Variants in LRRC4C observed in about 807,000 individuals in gnomAD.
LRRC4C encodes the protein leucine rich repeat containing 4C, also known as leucine-rich repeat-containing protein 4C.
A neutral mutation model predicts 33.6 loss-of-function variants in LRRC4C; 5 were observed. The observed-to-expected ratio is 0.15, with a 90% confidence interval of 0.08 to 0.31. The LOEUF (loss-of-function observed/expected upper bound fraction) is 0.31. LRRC4C is among the 10% of genes least tolerant of loss of function. LRRC4C has a pLI of 1.00. For synonymous variants in LRRC4C, 329 were observed against 302.0 expected (o/e 1.09, Z -0.93); for missense variants, 560 against 796.7 (o/e 0.70, Z 3.58).
intron 1 of LRRC4C, among the ~76,000 whole-genome samples, chr11:41,185,425 G>C (rs956589870): frequency 2.6e-5 from 4 of 152,162 alleles, no homozygotes; most frequent in African/African-American, 7.2e-5. Flanking sequence ...AGAAAGAATG[G>C]ATGATTTCTT....
At chr11:41,218,912 C>T (rs1947181641) in intron 1 of LRRC4C, among the ~76,000 whole-genome samples, 1 of 151,686 alleles carries the variant, frequency 6.6e-6, no homozygotes, top group Non-Finnish European at 1.5e-5. Context: ...GGACTACAGG[C>T]GCCTGCCACC....
intron 3 of LRRC4C, among the ~76,000 whole-genome samples, chr11:40,335,526 A>G (rs10501229): frequency 0.21 from 32,574 of 152,212 alleles, 4,171 homozygotes; most frequent in Admixed American, 0.34. Context: ...TCGCTAGAGC[A>G]TGAAAAATGT....
intron 3 of LRRC4C, among the ~76,000 whole-genome samples, chr11:40,343,003 G>A (rs1335906642): frequency 6.6e-6 from 1 of 151,846 alleles, no homozygotes; most frequent in East Asian, 1.9e-4. Flanking sequence ...TCTCTAACTT[G>A]CTACCGCATT....
At chr11:41,433,673 C>G (rs924070547) in intron 1 of LRRC4C, among the ~76,000 whole-genome samples, 1 of 152,074 alleles carries the variant, frequency 6.6e-6, no homozygotes, top group Non-Finnish European at 1.5e-5. Flanking sequence ...GTTTCCTGCC[C>G]TCAAACATCG....
At chr11:40,604,156 CAT>C (rs969058161) in intron 3 of LRRC4C, among the ~76,000 whole-genome samples, 1 of 151,982 alleles carries the variant, frequency 6.6e-6, no homozygotes, top group Non-Finnish European at 1.5e-5. Context: ...ATATTGCAGA[CAT>C]ATATATAAAT....
chr11:40,658,629 A>C (rs1402790996), intron 2 of LRRC4C, among the ~76,000 whole-genome samples: 4 of 152,198 alleles, frequency 2.6e-5, no homozygotes, highest in African/African-American at 9.7e-5. Flanking sequence ...GTCATGGGAC[A>C]GGAAGATGAA....
intron 1 of LRRC4C, among the ~76,000 whole-genome samples, chr11:41,211,405 G>T (rs1395352015): frequency 6.6e-6 from 1 of 151,976 alleles, no homozygotes; most frequent in Non-Finnish European, 1.5e-5. Context: ...ATGTATACAC[G>T]TGCCATGTTG....
intron 3 of LRRC4C, among the ~76,000 whole-genome samples, chr11:40,521,685 A>G (rs1955820144): frequency 6.6e-6 from 1 of 152,058 alleles, no homozygotes; most frequent in Admixed American, 6.5e-5. Flanking sequence ...CCTGGCCAAC[A>G]TGGTAAAACT....
At chr11:40,561,433 GAC>G (rs1957545266) in intron 3 of LRRC4C, among the ~76,000 whole-genome samples, 1 of 88,112 alleles carries the variant, frequency 1.1e-5, no homozygotes, top group South Asian at 3.9e-4. Flanking sequence ...TTTTTTTTGA[GAC>G]AGAGTCTCGC....
At chr11:40,472,085 G>A (rs975267885) in intron 3 of LRRC4C, among the ~76,000 whole-genome samples, 7 of 151,462 alleles carry the variant, frequency 4.6e-5, no homozygotes, top group Non-Finnish European at 7.4e-5. Context: ...TCATGATCCT[G>A]GCTAACATGG....
chr11:41,084,801 A>G (rs1002739224), intron 1 of LRRC4C, among the ~76,000 whole-genome samples: 1 of 152,182 alleles, frequency 6.6e-6, no homozygotes, highest in Non-Finnish European at 1.5e-5. Flanking sequence ...GTGAGCCAAG[A>G]TCACGCCACT....
intron 1 of LRRC4C, among the ~76,000 whole-genome samples, chr11:41,304,855 C>T (rs1224344344): frequency 1.1e-5 from 1 of 93,244 alleles, no homozygotes; most frequent in African/African-American, 4.7e-5. Flanking sequence ...CCGCCCCATC[C>T]GGGAGGGAGG....
At chr11:41,376,380 G>T (rs1396756682) in intron 1 of LRRC4C, among the ~76,000 whole-genome samples, 1 of 152,084 alleles carries the variant, frequency 6.6e-6, no homozygotes, top group Non-Finnish European at 1.5e-5. Flanking sequence ...TACAAATAAG[G>T]CTGAAAGTAG....
chr11:40,610,010 G>T (rs978730266), intron 3 of LRRC4C, among the ~76,000 whole-genome samples: 1 of 151,706 alleles, frequency 6.6e-6, no homozygotes, highest in Non-Finnish European at 1.5e-5. Flanking sequence ...CCAAAAAATC[G>T]AAAAAGAGGC....
intron 3 of LRRC4C, among the ~76,000 whole-genome samples, chr11:40,550,410 T>C (rs924868608): frequency 1.3e-5 from 2 of 152,158 alleles, no homozygotes; most frequent in African/African-American, 4.8e-5. Context: ...CATATTTCTT[T>C]ACTTTAACTT....
intron 5 of LRRC4C, among the ~76,000 whole-genome samples, chr11:40,162,895 T>A (rs1032743813): frequency 4.6e-5 from 7 of 152,228 alleles, no homozygotes; most frequent in African/African-American, 1.7e-4. Context: ...TGAGATAGGA[T>A]TTAACTCTCA....
chr11:41,183,323 G>A (rs563344431), intron 1 of LRRC4C, among the ~76,000 whole-genome samples: 3 of 152,138 alleles, frequency 2.0e-5, no homozygotes, highest in Non-Finnish European at 4.4e-5. Context: ...TGCTGCCTAT[G>A]AGCCTGTAAA....
chr11:40,404,182 T>G (rs772731676), intron 3 of LRRC4C, among the ~76,000 whole-genome samples: 5 of 152,112 alleles, frequency 3.3e-5, no homozygotes, highest in Non-Finnish European at 5.9e-5. Context: ...TGGAAGAACT[T>G]TGGCCAAGGT....
intron 2 of LRRC4C, among the ~76,000 whole-genome samples, chr11:40,655,909 G>A (rs1198444653): frequency 6.6e-6 from 1 of 152,102 alleles, no homozygotes; most frequent in Non-Finnish European, 1.5e-5. Flanking sequence ...AGTCTTACAT[G>A]GCAGAAGGAG....
Sources: gnomAD v4.1 joint callset for allele counts (sites outside exome capture counted in the v4.1 genomes callset) on GRCh38, gnomAD v4.1.1 for gene constraint, MANE v1.5 for transcripts, NCBI Gene and HGNC (gene_info 2026-07-23, HGNC 2026-07-21) for gene names.